REV3L: variants seen among roughly 807,000 people sequenced by gnomAD.
The protein encoded by REV3L is DNA polymerase zeta catalytic subunit.
REV3L carries 69 observed loss-of-function variants against 299.4 expected under a neutral mutation model. That is an observed-to-expected ratio of 0.23 (90% CI 0.19 to 0.28). REV3L has a LOEUF of 0.28. Among genes scored for constraint, REV3L ranks in the 10% least tolerant of loss-of-function variants. REV3L has a pLI of 1.00. For missense variants in REV3L, 3,128 were observed against 3,693.8 expected (o/e 0.85, Z 3.97); for synonymous variants, 1,238 against 1,271.4 (o/e 0.97, Z 0.56).
At chr6:111,338,142 T>A (rs555792984) in intron 21 of REV3L, among the ~76,000 whole-genome samples, 1 of 152,170 alleles carries the variant, frequency 6.6e-6, no homozygotes, top group African/African-American at 2.4e-5. Context: ...TATATAAGAA[T>A]CTGTTTCAAC....
chr6:111,416,723 CTATT>C (rs372039083), intron 1 of REV3L, among the ~76,000 whole-genome samples: 4 of 152,336 alleles, frequency 2.6e-5, no homozygotes, highest in African/African-American at 9.6e-5. Context: ...AGTATTTTCA[CTATT>C]TAACCCTCAT....
intron 21 of REV3L, among the ~76,000 whole-genome samples, chr6:111,340,799 TATAAC>T (rs1776401209): frequency 6.6e-6 from 1 of 152,052 alleles, no homozygotes; most frequent in Admixed American, 6.6e-5. Flanking sequence ...GGTCTTCTCA[TATAAC>T]ATAATCCATT....
intron 18 of REV3L, chr6:111,353,668 T>C (rs1777798842): frequency 6.6e-6 from 1 of 152,160 alleles, no homozygotes; most frequent in Non-Finnish European, 1.5e-5. Context: ...AATAAACAGC[T>C]ATTGAAGCAA....
chr6:111,411,204 G>A (rs560887103), intron 3 of REV3L, among the ~76,000 whole-genome samples: 1 of 152,266 alleles, frequency 6.6e-6, no homozygotes, highest in East Asian at 1.9e-4. Flanking sequence ...GGCCAGAAGA[G>A]GCCTAACATC....
At chr6:111,460,623 T>C (rs1375622143) in intron 1 of REV3L, among the ~76,000 whole-genome samples, 1 of 151,966 alleles carries the variant, frequency 6.6e-6, no homozygotes, top group Non-Finnish European at 1.5e-5. Context: ...ATAAGAAATG[T>C]TAAAAGTTCT....
At chr6:111,358,600 T>C (rs1408432623) in intron 17 of REV3L, among the ~76,000 whole-genome samples, 4 of 152,140 alleles carry the variant, frequency 2.6e-5, no homozygotes, top group African/African-American at 4.8e-5. Context: ...TAGCTGGGAC[T>C]ATATATAAGC....
intron 19 of REV3L, among the ~76,000 whole-genome samples, chr6:111,350,561 C>T (rs1438202181): frequency 6.6e-6 from 1 of 151,030 alleles, no homozygotes; most frequent in East Asian, 1.9e-4. Flanking sequence ...AAAAGCTAAA[C>T]TTAAAGCATC....
chr6:111,340,079 A>G (rs1776334208), intron 21 of REV3L, among the ~76,000 whole-genome samples: 1 of 152,208 alleles, frequency 6.6e-6, no homozygotes. Context: ...TTTTCAAGAT[A>G]GTTCATCTGG....
intron 1 of REV3L, among the ~76,000 whole-genome samples, chr6:111,443,751 T>G (rs897093244): frequency 6.6e-5 from 10 of 152,238 alleles, no homozygotes; most frequent in African/African-American, 2.2e-4. Context: ...GTAGCTATCC[T>G]TTCACTGAAA....
intron 11 of REV3L, among the ~76,000 whole-genome samples, chr6:111,379,742 G>A (rs1462298251): frequency 6.6e-6 from 1 of 152,118 alleles, no homozygotes; most frequent in Non-Finnish European, 1.5e-5. Flanking sequence ...TGTTAATACT[G>A]TGTATATAAA....
At chr6:111,396,768 C>T (rs899953740) in intron 4 of REV3L, among the ~76,000 whole-genome samples, 1 of 151,902 alleles carries the variant, frequency 6.6e-6, no homozygotes, top group Non-Finnish European at 1.5e-5. Context: ...GAGCTCAAGC[C>T]TTCCTCCCAT....
chr6:111,439,122 A>G (rs1787939319), intron 1 of REV3L, among the ~76,000 whole-genome samples: 1 of 152,234 alleles, frequency 6.6e-6, no homozygotes, highest in East Asian at 1.9e-4. Flanking sequence ...AAATGTGATT[A>G]TGTTATACAT....
chr6:111,480,226 T>C (rs1033663894), intron 1 of REV3L, among the ~76,000 whole-genome samples: 1 of 152,248 alleles, frequency 6.6e-6, no homozygotes, highest in African/African-American at 2.4e-5. Flanking sequence ...TTATGTAGCA[T>C]AGGTTTATCA....
At chr6:111,324,827 G>A (rs797012084) in intron 25 of REV3L, among the ~76,000 whole-genome samples, 6 of 151,364 alleles carry the variant, frequency 4.0e-5, no homozygotes, top group African/African-American at 1.5e-4. Flanking sequence ...AAAAGAAATG[G>A]TTTCACAATT....
At position 111,373,331 on chromosome 6, in the gene REV3L, T is replaced by C; in HGVS notation, c.5024A>G (p.Gln1675Arg). ...QFVPADQNLP[Q>R]KFLSDAVQDL... ...CTGAACAGCATCACTTAGGAACTTC[T>C]GAGGCAAATTCTGATCAGCTGGGAC... The change falls in exon 13 of 32, where the codon CAG (glutamine) becomes CGG (arginine). Residue 1675 changes from glutamine to arginine, a missense_variant. By Grantham distance (43) the Gln-to-Arg change is conservative (BLOSUM62 1). Around this residue, in one of 9 missense-constraint regions of REV3L, gnomAD observed 2,409 missense variants for 2,611.8 expected, o/e 0.92. Coordinates refer to ENST00000368802, the MANE Select transcript of REV3L (RefSeq NM_001372078.1). The C allele has an allele frequency of 6.2e-7, 1 of 1,614,008 alleles. No individual in the cohort carries two copies. The highest frequency in any genetic ancestry group is 8.5e-7 in the Non-Finnish European group (1 of 1,179,970).
intron 1 of REV3L, among the ~76,000 whole-genome samples, chr6:111,479,378 T>C (rs1793333927): frequency 6.6e-6 from 1 of 152,182 alleles, no homozygotes; most frequent in Non-Finnish European, 1.5e-5. Flanking sequence ...GAAATTTGTT[T>C]TTGTTTTTTA....
chr6:111,361,552 T>C (rs1197637301), intron 16 of REV3L: 1 of 152,046 alleles, frequency 6.6e-6, no homozygotes, highest in East Asian at 1.9e-4. Flanking sequence ...ACACTCAAAA[T>C]TTGCATTTCT....
intron 22 of REV3L, among the ~76,000 whole-genome samples, 172 bp downstream of exon 22, chr6:111,335,297 G>A (rs1008753919): frequency 2.0e-5 from 3 of 152,112 alleles, no homozygotes; most frequent in Non-Finnish European, 4.4e-5. Flanking sequence ...AAAAAACTTG[G>A]CAGTGGCCGG....
At chr6:111,360,998 C>A (rs1429780090) in intron 16 of REV3L, among the ~76,000 whole-genome samples, 2 of 151,908 alleles carry the variant, frequency 1.3e-5, no homozygotes, top group Non-Finnish European at 2.9e-5. Context: ...TAACAATAAG[C>A]ATGCATTAAT....
Sources: gnomAD v4.1 joint callset for allele counts (sites outside exome capture counted in the v4.1 genomes callset) on GRCh38, gnomAD v4.1.1 for gene constraint, gnomAD v4.1.1 regional missense constraint, MANE v1.5 for transcripts, NCBI Gene and HGNC (gene_info 2026-07-23, HGNC 2026-07-21) for gene names.